Variants in SCUBE2 observed in about 807,000 individuals in gnomAD.
The protein encoded by SCUBE2 is signal peptide, CUB and EGF-like domain-containing protein 2.
SCUBE2 carries 114 observed loss-of-function variants against 125.9 expected under a neutral mutation model. That is an observed-to-expected ratio of 0.91 (90% CI 0.78 to 1.06). SCUBE2 has a LOEUF of 1.06. Among genes scored for constraint, SCUBE2 ranks in the 50% least tolerant of loss-of-function variants. The pLI is 0.00. For synonymous variants in SCUBE2, 459 were observed against 492.9 expected, an observed-to-expected ratio of 0.93 and a Z score of 0.91; for missense variants, 1,255 against 1,301.8, an observed-to-expected ratio of 0.96 and a Z score of 0.55.
intron 21 of SCUBE2, chr11:9,024,339 G>A (rs530418901): frequency 1.6e-6 from 2 of 1,271,954 alleles, no homozygotes; most frequent in African/African-American, 3.1e-5. Context: ...GAGCCATGTG[G>A]GAGGCATTTG....
intron 21 of SCUBE2, among the ~76,000 whole-genome samples, chr11:9,025,326 G>A (rs1589987912): frequency 1.3e-5 from 2 of 152,134 alleles, no homozygotes; most frequent in East Asian, 3.8e-4. Flanking sequence ...ACGTCCTTTA[G>A]GAACTCTCAC....
chr11:9,054,723 A>AT (rs1387071794), intron 10 of SCUBE2, among the ~76,000 whole-genome samples: 1 of 38,842 alleles, frequency 2.6e-5, no homozygotes, highest in African/African-American at 1.2e-4. Context: ...ATATATATAT[A>AT]TATTTTTTTT....
Position 9,020,095 on chromosome 11 carries a change from C to G in SCUBE2, c.*950G>C, listed in dbSNP as rs1000175494. On this transcript the variant is annotated 3_prime_UTR_variant, in exon 23 of 23. Transcript: ENST00000649792. ...GACTGGGGAAGGAAGGCATACATGACAGGCTGGGCCTCACCACACCCACCT... is the reference window on the plus strand; with the variant it reads ...GACTGGGGAAGGAAGGCATACATGAGAGGCTGGGCCTCACCACACCCACCT... Among the ~76,000 whole-genome samples, 1 of 152,212 alleles carries G rather than the reference C, an allele frequency of 6.6e-6. No individual in the cohort carries two copies. Among genetic ancestry groups the G allele is most frequent in the African/African-American group, 2.4e-5 (1 of 41,454 alleles).
At chr11:9,078,143 A>C (rs1316623237) in intron 3 of SCUBE2, among the ~76,000 whole-genome samples, 1 of 152,248 alleles carries the variant, frequency 6.6e-6, no homozygotes, top group African/African-American at 2.4e-5. Flanking sequence ...CACACACTGA[A>C]AGTGATTCCA....
Position 9,079,382 on chromosome 11 carries a change from A to G in SCUBE2, c.382+2T>C. 1 of 1,614,000 alleles carries G rather than the reference A, an allele frequency of 6.2e-7. No homozygotes were observed. Among genetic ancestry groups the G allele is most frequent in the Non-Finnish European group, 8.5e-7 (1 of 1,179,928 alleles). On this transcript the variant is annotated splice_donor_variant, in intron 3 of 22. Coordinates refer to ENST00000649792, the MANE Select transcript of SCUBE2 (RefSeq NM_001367977.2). LOFTEE classifies it high-confidence loss of function. ...ATTGCCATTTCCAAATGCCTTCCTT[A>G]CCAAGACAATTATGACCGTCATGAG...
At chr11:9,061,832 CAG>C (rs1438283189) in intron 7 of SCUBE2, among the ~76,000 whole-genome samples, 2 of 152,186 alleles carry the variant, frequency 1.3e-5, no homozygotes, top group Non-Finnish European at 2.9e-5. Context: ...TAGCAGTCTG[CAG>C]AGGGGGTGCC....
In SCUBE2 at chr11:9,057,559, C is replaced by T. The variant is rs889587977; in HGVS notation, c.1091-1650G>A. ...TTTGAGATGGAGTCTCGCTCTATCC[C>T]CCAGGCTGGAGTGCGTGGGCATGAT... On this transcript the variant is annotated intron_variant, in intron 9 of 22. Transcript: ENST00000649792. 3.5e-4 allele frequency: 52 copies of T among 148,546 alleles called. 1 individual carries two copies. The highest frequency in any genetic ancestry group is 1.3e-3 in the African/African-American group (51 of 39,346). The allele number at this position is 148,546 out of a possible 1,614,324, so 9.2% of individuals were successfully genotyped here.
At chr11:9,055,138 G>A (rs1195913308) in intron 10 of SCUBE2, among the ~76,000 whole-genome samples, 1 of 152,208 alleles carries the variant, frequency 6.6e-6, no homozygotes, top group Non-Finnish European at 1.5e-5. Context: ...GGAAGTCCTA[G>A]ACATTCTGAA....
intron 13 of SCUBE2, among the ~76,000 whole-genome samples, chr11:9,051,946 C>G (rs1269527244): frequency 6.6e-6 from 1 of 152,178 alleles, no homozygotes; most frequent in Non-Finnish European, 1.5e-5. Context: ...AAGGATAGTG[C>G]TTGAGACTCT....
chr11:9,020,963 T>C lies in SCUBE2; in HGVS notation c.*82A>G. On this transcript the variant is annotated 3_prime_UTR_variant, in exon 23 of 23. Coordinates refer to ENST00000649792, the MANE Select transcript of SCUBE2 (RefSeq NM_001367977.2). ...GATACGGGAGGCAGCAATACCCGAC[T>C]GTGCTGACATGCAGAAGGAAGACAG... The C allele has an allele frequency of 3.1e-6, 4 of 1,271,434 alleles. No homozygotes were observed. Among genetic ancestry groups the C allele is most frequent in the Non-Finnish European group, 4.3e-6 (4 of 932,798 alleles). 78.8% of individuals were successfully genotyped at this position (1,271,434 alleles called of 1,614,324 possible). A position where few individuals can be genotyped will look rare whatever the true frequency, so the allele number is the denominator to read the frequency against.
intron 4 of SCUBE2, among the ~76,000 whole-genome samples, chr11:9,070,089 T>C (rs908756998): frequency 1.3e-5 from 2 of 151,986 alleles, no homozygotes; most frequent in Non-Finnish European, 2.9e-5. Flanking sequence ...CCTCAGGGCA[T>C]AAGCCTCTGA....
At position 9,021,874 on chromosome 11, in the gene SCUBE2, A is replaced by T; in HGVS notation, c.2934+2T>A. The stretch of plus-strand genomic sequence containing the variant: ...CCATGTCCACCTGAGCCAGGCACTC[A>T]CCTTAAGTATTTCCTGATGGTTCTC... On this transcript the variant is annotated splice_donor_variant, in intron 22 of 22. Coordinates refer to ENST00000649792, the MANE Select transcript of SCUBE2 (RefSeq NM_001367977.2). LOFTEE classifies it high-confidence loss of function. 1 of 1,611,110 alleles carries T rather than the reference A, an allele frequency of 6.2e-7. No homozygotes were observed. The highest frequency in any genetic ancestry group is 8.5e-7 in the Non-Finnish European group (1 of 1,177,602).
Position 9,069,276 on chromosome 11 carries a change from C to T in SCUBE2, c.643+94G>A, listed in dbSNP as rs1257057421. 8.5e-6 allele frequency: 13 copies of T among 1,526,334 alleles called. No individual in the cohort carries two copies. The East Asian group carries it at 1.1e-4, about 13-fold the overall frequency. 94.5% of individuals were successfully genotyped at this position (1,526,334 alleles called of 1,614,324 possible). A position where few individuals can be genotyped will look rare whatever the true frequency, so the allele number is the denominator to read the frequency against. ...TAACTGCCTTCCCTGCTGCTGCAGCCGTGCCATGAGGTGGTGCTTCTGAGC... is the reference window on the plus strand; with the variant it reads ...TAACTGCCTTCCCTGCTGCTGCAGCTGTGCCATGAGGTGGTGCTTCTGAGC... On this transcript the variant is annotated intron_variant, in intron 5 of 22. Coordinates refer to ENST00000649792, the MANE Select transcript of SCUBE2 (RefSeq NM_001367977.2).
Position 9,027,346 on chromosome 11 carries a change from G to C in SCUBE2, c.2701+18C>G. On this transcript the variant is annotated intron_variant, in intron 20 of 22. Transcript: ENST00000649792. The stretch of plus-strand genomic sequence containing the variant: ...TTCCCAGCTGGCCTGAGAAAGGGAG[G>C]GAGGGAGTGAGACGCACAGGTTTTC... 1 of 1,612,856 alleles carries C rather than the reference G, an allele frequency of 6.2e-7. No individual in the cohort carries two copies. Among genetic ancestry groups the C allele is most frequent in the Non-Finnish European group, 8.5e-7 (1 of 1,179,424 alleles).
chr11:9,059,516 C>G, intron 8 of SCUBE2, 91 bp from the exon 9 acceptor site: 1 of 1,427,882 alleles, frequency 7.0e-7, no homozygotes, highest in South Asian at 1.5e-5. Context: ...GTTCATTAGT[C>G]TCTGAAATTA....
At chr11:9,049,615 T>C (rs1338119782) in intron 14 of SCUBE2, among the ~76,000 whole-genome samples, 1 of 152,168 alleles carries the variant, frequency 6.6e-6, no homozygotes. Context: ...CTCACTATGG[T>C]TAATTTGGCA....
intron 4 of SCUBE2, among the ~76,000 whole-genome samples, chr11:9,071,193 C>A (rs988282128): frequency 6.6e-6 from 1 of 152,160 alleles, no homozygotes; most frequent in African/African-American, 2.4e-5. Context: ...GAAATGGGGG[C>A]AGGAACACCT....
rs544999568 is a variant in SCUBE2, at chr11:9,075,778, C to G, written c.383-1163G>C. ...ACAGCTAGCGCTAGTGGCGACAGCA[C>G]TGCGGCTGCCAGGGATGCTGGGAAC... On this transcript the variant is annotated intron_variant, in intron 3 of 22. Coordinates refer to ENST00000649792, the MANE Select transcript of SCUBE2 (RefSeq NM_001367977.2). 8.7e-4 allele frequency among the ~76,000 whole-genome samples: 132 copies of G among 152,364 alleles called. 1 individual carries two copies. The highest frequency in any genetic ancestry group is 1.5e-3 in the Non-Finnish European group (100 of 68,042).
chr11:9,047,307 T>G, intron 16 of SCUBE2, 49 bp downstream of exon 16: 1 of 1,597,884 alleles, frequency 6.3e-7, no homozygotes, highest in Non-Finnish European at 8.6e-7. Flanking sequence ...CCTGAGTGTT[T>G]ATGGAGCCCA....
Sources: allele counts gnomAD v4.1 joint callset (sites outside exome capture counted in the v4.1 genomes callset), GRCh38; gene constraint gnomAD v4.1.1; transcripts MANE v1.5; gene names NCBI Gene and HGNC (gene_info 2026-07-23, HGNC 2026-07-21).